Variants in PHTF2 observed in about 807,000 individuals in gnomAD.
The protein encoded by PHTF2 is protein PHTF2.
A neutral mutation model predicts 101.2 loss-of-function variants in PHTF2; 60 were observed. That is an observed-to-expected ratio of 0.59 (90% CI 0.48 to 0.73). The LOEUF (loss-of-function observed/expected upper bound fraction) is 0.73, where lower values mean the gene tolerates loss of function less well. PHTF2 is among the 30% of genes least tolerant of loss of function. PHTF2 has a pLI of 0.00. For missense variants in PHTF2, 747 were observed against 908.7 expected, an observed-to-expected ratio of 0.82 and a Z score of 2.29; for synonymous variants, 311 against 307.3, an observed-to-expected ratio of 1.01 and a Z score of -0.13.
intron 3 of PHTF2, among the ~76,000 whole-genome samples, chr7:77,890,257 C>T (rs1800267733): frequency 6.6e-6 from 1 of 152,172 alleles, no homozygotes; most frequent in Non-Finnish European, 1.5e-5. Context: ...TGTGGAGTTT[C>T]TTAGGCTTTC....
intron 3 of PHTF2, among the ~76,000 whole-genome samples, chr7:77,855,952 C>G (rs1466228578): frequency 6.6e-6 from 1 of 152,170 alleles, no homozygotes; most frequent in Non-Finnish European, 1.5e-5. Context: ...ACTTTGTTTA[C>G]TCACCTGATT....
At chr7:77,847,754 T>C (rs927510127) in intron 2 of PHTF2, among the ~76,000 whole-genome samples, 6 of 152,192 alleles carry the variant, frequency 3.9e-5, no homozygotes, top group Non-Finnish European at 8.8e-5. Context: ...GTAGAGTAAA[T>C]TATTGTTGAC....
At chr7:77,849,711 G>T (rs1056985655) in intron 2 of PHTF2, among the ~76,000 whole-genome samples, 1 of 152,152 alleles carries the variant, frequency 6.6e-6, no homozygotes, top group Non-Finnish European at 1.5e-5. Context: ...TTTCATTGTG[G>T]AGACATTTCA....
intron 1 of PHTF2, among the ~76,000 whole-genome samples, chr7:77,835,966 A>C (rs779410393): frequency 4.6e-5 from 7 of 151,892 alleles, no homozygotes; most frequent in Non-Finnish European, 7.4e-5. Context: ...CTAAAATTAC[A>C]AATTAGCCGG....
chr7:77,888,325 A>G (rs774181886), intron 3 of PHTF2, among the ~76,000 whole-genome samples: 1 of 152,208 alleles, frequency 6.6e-6, no homozygotes, highest in Non-Finnish European at 1.5e-5. Context: ...CATGTTGGCC[A>G]GGCTGGTCTG....
In PHTF2 at chr7:77,901,608, T is replaced by A. The variant is rs549536417; in HGVS notation, c.287-154T>A. Among the ~76,000 whole-genome samples, 6 of 152,328 alleles carry A rather than the reference T, an allele frequency of 3.9e-5. No individual in the cohort carries two copies. In the East Asian group the frequency reaches 1.2e-3, roughly 29 times the overall value. ...TTCAAAAAATGTTTTTTTCAAAATA[T>A]TTAAAGTATCTATAAATTGGACATT... is the stretch of plus-strand genomic sequence containing the variant. On this transcript the variant is annotated intron_variant, in intron 6 of 19. Transcript: ENST00000416283.
intron 1 of PHTF2, among the ~76,000 whole-genome samples, chr7:77,830,777 T>TTTGTACAG (rs1300936115): frequency 2.0e-5 from 3 of 152,222 alleles, no homozygotes; most frequent in Non-Finnish European, 4.4e-5. Flanking sequence ...TACAGCTGCA[T>TTTGTACAG]CTGGTGACAG....
intron 3 of PHTF2, among the ~76,000 whole-genome samples, chr7:77,863,785 TTG>T (rs1040368942): frequency 4.4e-5 from 5 of 113,346 alleles, no homozygotes; most frequent in South Asian, 2.8e-4. Flanking sequence ...CTGTTTTGTT[TTG>T]TTTTTTTTTT....
rs375531893 is a variant in PHTF2, at chr7:77,907,460, T to C, written c.446-1333T>C. Among the ~76,000 whole-genome samples, 4 of 152,282 alleles carry C rather than the reference T, an allele frequency of 2.6e-5. No individual in the cohort carries two copies. In the East Asian group the frequency reaches 7.7e-4, roughly 29 times the overall value. ...GAAGTTGGTTTTTTTGGTCGTTAAT[T>C]TTACTGTTTATCATAAAAGCTAAAC... On this transcript the variant is annotated intron_variant, in intron 7 of 19. Transcript: ENST00000416283.
At chr7:77,876,287 G>A (rs1382153375) in intron 3 of PHTF2, among the ~76,000 whole-genome samples, 1 of 152,168 alleles carries the variant, frequency 6.6e-6, no homozygotes, top group Non-Finnish European at 1.5e-5. Flanking sequence ...AGCAGTTACT[G>A]ATTATTAATA....
At chr7:77,862,339 A>G (rs995719903) in intron 3 of PHTF2, among the ~76,000 whole-genome samples, 1 of 152,170 alleles carries the variant, frequency 6.6e-6, no homozygotes, top group African/African-American at 2.4e-5. Context: ...AGTGTTTCAT[A>G]ATAGAATGTT....
chr7:77,898,568 C>T (rs1418602809), intron 5 of PHTF2, among the ~76,000 whole-genome samples: 1 of 152,036 alleles, frequency 6.6e-6, no homozygotes, highest in African/African-American at 2.4e-5. Context: ...AAATAATGTA[C>T]AGATACAGCC....
At chr7:77,884,950 A>G (rs963433767) in intron 3 of PHTF2, among the ~76,000 whole-genome samples, 6 of 152,202 alleles carry the variant, frequency 3.9e-5, no homozygotes, top group Non-Finnish European at 5.9e-5. Flanking sequence ...TGCATTAGGT[A>G]TAAAAGCAAC....
At chr7:77,932,617 A>AGTGTGTGTGTGTGT (rs1263484171) in intron 12 of PHTF2, among the ~76,000 whole-genome samples, 1 of 124,876 alleles carries the variant, frequency 8.0e-6, no homozygotes, top group Non-Finnish European at 1.7e-5. Context: ...AGAGAGAGAG[A>AGTGTGTGTGTGTGT]GAGAGTGTGT....
intron 9 of PHTF2, among the ~76,000 whole-genome samples, chr7:77,917,936 C>G (rs1378557300): frequency 1.3e-5 from 2 of 152,136 alleles, no homozygotes; most frequent in African/African-American, 4.8e-5. Context: ...AATTACTGTT[C>G]TTGTCTGCTG....
rs141036097 is a variant in PHTF2, at chr7:77,848,808, A to G, written c.46-5925A>G. Among the ~76,000 whole-genome samples the G allele has an allele frequency of 5.5e-3, 834 of 152,240 alleles. 11 individuals are homozygous for G. The highest frequency in any genetic ancestry group is 0.019 in the African/African-American group (771 of 41,544). On this transcript the variant is annotated intron_variant, in intron 2 of 19. Coordinates refer to ENST00000416283, the Ensembl canonical transcript of PHTF2. ...TCCATTATCTTGGAGAGTTTCCCCA[A>G]TGTTTTCTTGTAGTAGTTTCATAGT...
intron 1 of PHTF2, among the ~76,000 whole-genome samples, chr7:77,829,561 C>T (rs1487571769): frequency 6.6e-6 from 1 of 152,164 alleles, no homozygotes; most frequent in Non-Finnish European, 1.5e-5. Context: ...TTATAGATCA[C>T]ATGATTACAA....
chr7:77,947,826 C>CTTTCTTT (rs1562976127), intron 16 of PHTF2, among the ~76,000 whole-genome samples: 5 of 86,942 alleles, frequency 5.8e-5, no homozygotes, highest in African/African-American at 1.9e-4. Flanking sequence ...TTTCTTTTTT[C>CTTTCTTT]TTTTTTCTTT....
chr7:77,867,476 T>C (rs1462250546), intron 3 of PHTF2, among the ~76,000 whole-genome samples: 1 of 152,230 alleles, frequency 6.6e-6, no homozygotes, highest in Non-Finnish European at 1.5e-5. Context: ...AATACCTACT[T>C]AATAGTGCTG....
Sources: allele counts gnomAD v4.1 joint callset (sites outside exome capture counted in the v4.1 genomes callset), GRCh38; gene constraint gnomAD v4.1.1; transcripts MANE v1.5; gene names NCBI Gene and HGNC (gene_info 2026-07-23, HGNC 2026-07-21).